FEZF1: variants seen among roughly 807,000 people sequenced by gnomAD.
The protein encoded by FEZF1 is fez family zinc finger protein 1.
Under a neutral mutation model 32.4 loss-of-function variants are expected in FEZF1, and 8 were observed. The ratio of observed to expected loss-of-function variants is 0.25; its 90% confidence interval spans 0.15 to 0.45. The LOEUF (loss-of-function observed/expected upper bound fraction) is 0.45, where lower values mean the gene tolerates loss of function less well. FEZF1 is among the 20% of genes least tolerant of loss of function. The pLI is 1.00. For missense variants in FEZF1, 546 were observed against 622.3 expected (o/e 0.88, Z 1.31); for synonymous variants, 259 against 265.2 (o/e 0.98, Z 0.23).
At chr7:122,303,516 A>AG (rs2031127169) in intron 1 of FEZF1, 121 bp downstream of exon 1, 5 of 532,456 alleles carry the variant, frequency 9.4e-6, no homozygotes, top group South Asian at 4.6e-5. Context: ...GAAGGAAGGA[A>AG]GGAAGGAAGG....
Position 122,302,833 on chromosome 7 carries a change from C to G in FEZF1, c.1035G>C (p.Val345=). The G allele has an allele frequency of 1.2e-6, 2 of 1,614,090 alleles. No homozygotes were observed. The highest frequency in any genetic ancestry group is 1.7e-6 in the Non-Finnish European group (2 of 1,180,006). Residue 345 remains valine (V), a synonymous_variant, in exon 3 of 4, where the codon GTG becomes GTC. Transcript: ENST00000442488. This position sits in a 1 kb window ranked among gnomAD's most constrained non-coding sequence, Gnocchi z 4.4. ...TRIHAGYKPF[V]CEFCGKGFHQ... ...GAAACCCTTTGCCACAGAATTCACA[C>G]ACAAACGGTTTGTAGCCCGCGTGTA... is the stretch of plus-strand genomic sequence containing the variant.
upstream of FEZF1, chr7:122,306,010 A>G (rs1426816499): frequency 6.6e-6 from 1 of 152,232 alleles, no homozygotes; most frequent in Non-Finnish European, 1.5e-5. Flanking sequence ...CCGCCCAGGC[A>G]AGAGCGTCCA....
At position 122,303,790 on chromosome 7, in the gene FEZF1, T is replaced by G; in HGVS notation, c.648A>C (p.Val216=). 1.9e-6 allele frequency: 3 copies of G among 1,614,232 alleles called. No homozygotes were observed. Among genetic ancestry groups the G allele is most frequent in the Non-Finnish European group, 2.5e-6 (3 of 1,180,036 alleles). The change falls in exon 1 of 4, where the codon GTA becomes GTC. Residue 216 remains valine (V), a synonymous_variant. Coordinates refer to ENST00000442488, the MANE Select transcript of FEZF1 (RefSeq NM_001024613.4). ...VPAVEKYPSG[V]AFKDLSQAQL... ...GAGCCTGGGACAGGTCTTTGAAAGC[T>G]ACTCCAGAAGGGTATTTCTCCACCG...
upstream of FEZF1, among the ~76,000 whole-genome samples, chr7:122,308,849 A>C (rs2031352353): frequency 6.6e-6 from 1 of 152,122 alleles, no homozygotes; most frequent in South Asian, 2.1e-4. Flanking sequence ...CATTATTATT[A>C]TTCTGACATC....
exon 1 of FEZF1, chr7:122,310,204 G>C (rs2150621941): frequency 6.6e-6 from 1 of 152,348 alleles, no homozygotes; most frequent in South Asian, 2.1e-4. Context: ...TCCGGCCGAT[G>C]GCCACTCCGG....
At position 122,304,001 on chromosome 7, in the gene FEZF1, G is replaced by A; in HGVS notation, c.437C>T (p.Pro146Leu). 1 of 1,571,428 alleles carries A rather than the reference G, an allele frequency of 6.4e-7. No homozygotes were observed. Among genetic ancestry groups the A allele is most frequent in the South Asian group, 1.1e-5 (1 of 87,072 alleles). Residue 146 changes from proline (P) to leucine (L), a missense_variant, in exon 1 of 4, where the codon CCG becomes CTG. By Grantham distance (98) the Pro-to-Leu change is moderately conservative. Coordinates refer to ENST00000442488, the MANE Select transcript of FEZF1 (RefSeq NM_001024613.4). ...GAATGAAGAGTGGTTGACCACACGC[G>A]GCCTTACCAGCTTGTACTGCTGCAG... ...LPLQQYKLVR[P>L]RVVNHSSFHA... is the part of the protein sequence containing the mutation.
chr7:122,302,374 A>C lies in FEZF1; in HGVS notation c.1070-19T>G. ...TAATTCCCTGAAACACACAAATGACAGGAATATGGTTCTGAAAAAAAAAAT... is the reference window on the plus strand; with the variant it reads ...TAATTCCCTGAAACACACAAATGACCGGAATATGGTTCTGAAAAAAAAAAT... On this transcript the variant is annotated intron_variant, in intron 3 of 3. Coordinates refer to ENST00000442488, the MANE Select transcript of FEZF1 (RefSeq NM_001024613.4). This position sits in a 1 kb window ranked among gnomAD's most constrained non-coding sequence, Gnocchi z 4.4. 1 of 1,612,408 alleles carries C rather than the reference A, an allele frequency of 6.2e-7. No homozygotes were observed. Among genetic ancestry groups the C allele is most frequent in the Non-Finnish European group, 8.5e-7 (1 of 1,179,952 alleles).
exon 1 of FEZF1, chr7:122,310,273 AC>A (rs2031386966): frequency 7.4e-6 from 1 of 135,414 alleles, no homozygotes; most frequent in Non-Finnish European, 1.6e-5. Context: ...CATTATCGCC[AC>A]GGCCTTGGCG....
chr7:122,310,151 G>T (rs1483242341), intron 1 of FEZF1: 1 of 152,260 alleles, frequency 6.6e-6, no homozygotes, highest in Non-Finnish European at 1.5e-5. Context: ...CCTCGAGCTA[G>T]AAAGCTCTAA....
chr7:122,302,484 C>A lies in FEZF1; in HGVS notation c.1070-129G>T. The A allele has an allele frequency of 7.2e-7, 1 of 1,382,950 alleles. No individual in the cohort carries two copies. Among genetic ancestry groups the A allele is most frequent in the Non-Finnish European group, 9.8e-7 (1 of 1,020,514 alleles). The allele number at this position is 1,382,950 out of a possible 1,614,324, so 85.7% of individuals were successfully genotyped here. A position where few individuals can be genotyped will look rare whatever the true frequency, so the allele number is the denominator to read the frequency against. On this transcript the variant is annotated intron_variant, in intron 3 of 3. Transcript: ENST00000442488. This position sits in a 1 kb window ranked among gnomAD's most constrained non-coding sequence, Gnocchi z 4.4. Reference sequence around the variant, plus strand: ...CACAGGTCCCACAACAAGTGCAGGGCTACTATCTGTGCCTGCACTTGTCTC... The same window carrying A: ...CACAGGTCCCACAACAAGTGCAGGGATACTATCTGTGCCTGCACTTGTCTC...
upstream of FEZF1, chr7:122,305,158 G>C (rs962563915): frequency 2.0e-5 from 3 of 152,242 alleles, no homozygotes; most frequent in Non-Finnish European, 4.4e-5. Context: ...AGAAAGCCTC[G>C]GCTAGGAAGC....
chr7:122,302,421 A>C lies in FEZF1; in HGVS notation c.1070-66T>G. The C allele has an allele frequency of 6.2e-7, 1 of 1,600,588 alleles. No individual in the cohort carries two copies. Among genetic ancestry groups the C allele is most frequent in the South Asian group, 1.1e-5 (1 of 89,510 alleles). On this transcript the variant is annotated intron_variant, in intron 3 of 3. Transcript: ENST00000442488. This position sits in a 1 kb window ranked among gnomAD's most constrained non-coding sequence, Gnocchi z 4.4. The stretch of plus-strand genomic sequence containing the variant: ...AAATAGCTTAAAAAGGGAGGAGCAG[A>C]CACGTGGAAGGTAGCGCCAGGCAAG...
In FEZF1 at chr7:122,303,301, G is replaced by A. The variant is rs1584959466; in HGVS notation, c.812C>T (p.Ala271Val). ...CATGTGACGGGTTAAGTTATAGTGCGCATTAAAGACCTTAAAATTAAACAC... is the reference window on the plus strand; with the variant it reads ...CATGTGACGGGTTAAGTTATAGTGCACATTAAAGACCTTAAAATTAAACAC... ...TCEVCGKVFNAHYNLTRHMPV... is the reference protein window; with the variant it reads ...TCEVCGKVFNVHYNLTRHMPV... The change falls in exon 2 of 4, where the codon GCG becomes GTG. Residue 271 changes from alanine (A) to valine (V), a missense_variant. Ala to Val is a moderately conservative substitution (Grantham distance 64, BLOSUM62 0). Around this residue, in one of 3 missense-constraint regions of FEZF1, gnomAD observed 345 missense variants for 360.6 expected, o/e 0.96. Coordinates refer to ENST00000442488, the MANE Select transcript of FEZF1 (RefSeq NM_001024613.4). 6 of 1,613,974 alleles carry A rather than the reference G, an allele frequency of 3.7e-6. No individual in the cohort carries two copies. The highest frequency in any genetic ancestry group is 5.1e-6 in the Non-Finnish European group (6 of 1,180,014).
upstream of FEZF1, chr7:122,305,006 T>TAA (rs2031232370): frequency 6.6e-6 from 1 of 151,984 alleles, no homozygotes; most frequent in Non-Finnish European, 1.5e-5. Flanking sequence ...AACCAGGCTT[T>TAA]AGAGGCCAAG....
rs368161462 is a variant in FEZF1, at chr7:122,302,752, G to A, written c.1069+47C>T. 1.5e-5 allele frequency: 23 copies of A among 1,573,112 alleles called. No homozygotes were observed. The highest frequency in any genetic ancestry group is 1.1e-4 in the South Asian group (10 of 88,326). On this transcript the variant is annotated intron_variant, in intron 3 of 3. Coordinates refer to ENST00000442488, the MANE Select transcript of FEZF1 (RefSeq NM_001024613.4). The surrounding 1 kb of genome is among the most constrained non-coding windows in gnomAD (Gnocchi z 4.4). ...AAAACATCCCGAAAGTATTAAGTAT[G>A]GCTTTTCATAAGACTAACCATGAGA...
chr7:122,307,833 A>G (rs1013107015), upstream of FEZF1, among the ~76,000 whole-genome samples: 4 of 152,220 alleles, frequency 2.6e-5, no homozygotes, highest in African/African-American at 9.6e-5. Flanking sequence ...ACATTTGTTA[A>G]TTTTTTCAAA....
In FEZF1 at chr7:122,302,210, G is replaced by A. The variant is rs758170152; in HGVS notation, c.1215C>T (p.Cys405=). The A allele has an allele frequency of 8.1e-6, 13 of 1,614,054 alleles. No homozygotes were observed. The highest frequency in any genetic ancestry group is 1.7e-5 in the Admixed American group (1 of 60,004). ...NDKKPFTCPT[C]GKGFCRNFDL... ...CAAAGTTCCTGCAGAAACCCTTGCC[G>A]CACGTGGGGCAGGTGAAAGGCTTCT... is the stretch of plus-strand genomic sequence containing the variant. Residue 405 remains cysteine, a synonymous_variant, in exon 4 of 4, where the codon TGC becomes TGT. Transcript: ENST00000442488. This position sits in a 1 kb window ranked among gnomAD's most constrained non-coding sequence, Gnocchi z 4.4.
At chr7:122,304,764 A>G (rs1408926481), upstream of FEZF1, 6 of 302,890 alleles carry the variant, frequency 2.0e-5, no homozygotes, top group East Asian at 6.8e-5. Context: ...TAATTGCTCA[A>G]TTCGCTTCCA....
Position 122,302,069 on chromosome 7 carries a change from C to G in FEZF1, c.1356G>C (p.Thr452=). The G allele has an allele frequency of 1.2e-6, 2 of 1,607,592 alleles. No homozygotes were observed. The highest frequency in any genetic ancestry group is 1.7e-6 in the Non-Finnish European group (2 of 1,178,718). Residue 452 remains threonine (T), a synonymous_variant, in exon 4 of 4, where the codon ACG becomes ACC. Transcript: ENST00000442488. The surrounding 1 kb of genome is among the most constrained non-coding windows in gnomAD (Gnocchi z 4.4). ...PPPLPQQPPM[T]LPPLQPPLPT... is the part of the protein sequence containing the mutation. ...GCAGCGGCGGCTGCAGAGGAGGCAG[C>G]GTCATCGGCGGCTGCTGCGGTAGCG...
Sources: allele counts gnomAD v4.1 joint callset (sites outside exome capture counted in the v4.1 genomes callset), GRCh38; gene constraint gnomAD v4.1.1; regional missense constraint gnomAD v4.1.1; non-coding constraint Gnocchi (gnomAD v3.1); transcripts MANE v1.5; gene names NCBI Gene and HGNC (gene_info 2026-07-23, HGNC 2026-07-21).